TNRC6A: variants seen among roughly 807,000 people sequenced by gnomAD.
TNRC6A encodes trinucleotide repeat-containing gene 6A protein.
Under a neutral mutation model 221.2 loss-of-function variants are expected in TNRC6A, and 44 were observed. The ratio of observed to expected loss-of-function variants is 0.20; its 90% CI spans 0.16 to 0.26. The LOEUF (loss-of-function observed/expected upper bound fraction) is 0.26, where lower values mean the gene tolerates loss of function less well. Among genes scored for constraint, TNRC6A ranks in the 10% least tolerant of loss-of-function variants. The probability of loss-of-function intolerance (pLI) is 1.00; values close to 1 mark genes in which losing one functional copy is unlikely to be tolerated. For missense variants in TNRC6A, 2,199 were observed against 2,404.4 expected (o/e 0.91, Z 1.79); for synonymous variants, 847 against 838.5 (o/e 1.01, Z -0.18).
At chr16:24,706,894 CTTAAG>C in intron 2 of TNRC6A, among the ~76,000 whole-genome samples, 1 of 152,014 alleles carries the variant, frequency 6.6e-6, no homozygotes, top group South Asian at 2.1e-4. Context: ...ATTTGAAAAA[CTTAAG>C]TTAAAGCTGG....
intron 1 of TNRC6A, among the ~76,000 whole-genome samples, chr16:24,632,376 C>T (rs902979105): frequency 6.6e-6 from 1 of 152,154 alleles, no homozygotes; most frequent in Non-Finnish European, 1.5e-5. Context: ...CCACCGTCCA[C>T]CTAGTTCTTT....
At chr16:24,639,917 A>G (rs1203739868) in intron 1 of TNRC6A, among the ~76,000 whole-genome samples, 1 of 152,160 alleles carries the variant, frequency 6.6e-6, no homozygotes, top group African/African-American at 2.4e-5. Context: ...TCGGCTTCCC[A>G]AAGCTCTGGG....
chr16:24,632,775 G>A (rs971116989), intron 1 of TNRC6A, among the ~76,000 whole-genome samples: 12 of 152,092 alleles, frequency 7.9e-5, no homozygotes, highest in African/African-American at 2.4e-4. Context: ...TTGGGAGGCC[G>A]AGGCGGGCAG....
chr16:24,708,389 C>T (rs562767945), intron 2 of TNRC6A, among the ~76,000 whole-genome samples: 95 of 152,030 alleles, frequency 6.2e-4, no homozygotes, highest in African/African-American at 2.1e-3. Flanking sequence ...TACAGGCACC[C>T]GCCACCACGC....
chr16:24,786,336 T>G (rs1389755146), intron 5 of TNRC6A, among the ~76,000 whole-genome samples: 6 of 151,480 alleles, frequency 4.0e-5, no homozygotes, highest in Non-Finnish European at 7.4e-5. Context: ...TTTTGTTTTG[T>G]TTTTTTTGAG....
At chr16:24,767,679 GTTTATT>G (rs1007249929) in intron 4 of TNRC6A, among the ~76,000 whole-genome samples, 3 of 152,022 alleles carry the variant, frequency 2.0e-5, no homozygotes, top group African/African-American at 7.2e-5. Context: ...TTTAGCTGAA[GTTTATT>G]TTTATACTGT....
chr16:24,740,961 G>A lies in TNRC6A; in HGVS notation c.54-9765G>A, dbSNP rs113762397. Among the ~76,000 whole-genome samples, 15 of 152,268 alleles carry A rather than the reference G, an allele frequency of 9.9e-5. 1 individual carries two copies. The highest frequency in any genetic ancestry group is 3.1e-4 in the African/African-American group (13 of 41,560). ...CCTCAAGATTTGTCCATATTGTAGC[G>A]TGTGTCAGCCAATTGATTTTTGTAT... On this transcript the variant is annotated intron_variant, in intron 2 of 24. Coordinates refer to ENST00000395799, the MANE Select transcript of TNRC6A (RefSeq NM_014494.4).
intron 4 of TNRC6A, chr16:24,776,178 T>TA: frequency 3.6e-6 from 3 of 837,124 alleles, no homozygotes; most frequent in Non-Finnish European, 4.3e-6. Flanking sequence ...TGGGTTTACT[T>TA]ACACTAGCTT....
At position 24,777,314 on chromosome 16, in the gene TNRC6A, A is replaced by G. The variant is rs2057746994; in HGVS notation, c.545A>G (p.Gln182Arg). 6.2e-7 allele frequency: 1 copy of G among 1,613,842 alleles called. No individual in the cohort carries two copies. The highest frequency in any genetic ancestry group is 1.1e-5 in the South Asian group (1 of 91,084). The part of the protein sequence containing the change: ...QSESSALTNQ[Q>R]PQNNGEVQNS... ...GAAAGCAGTGCTTTAACAAATCAAC[A>G]GCCACAAAATAACGGAGAGGTGCAG... Residue 182 changes from glutamine to arginine, a missense_variant, in exon 5 of 25, where the codon CAG becomes CGG. Gln to Arg is a conservative substitution (Grantham distance 43). Coordinates refer to ENST00000395799, the MANE Select transcript of TNRC6A (RefSeq NM_014494.4).
In TNRC6A at chr16:24,777,262, G is replaced by A. The variant is rs1596682526; in HGVS notation, c.493G>A (p.Ala165Thr). 6.2e-7 allele frequency: 1 copy of A among 1,614,180 alleles called. No individual in the cohort carries two copies. The highest frequency in any genetic ancestry group is 1.3e-5 in the African/African-American group (1 of 75,036). ...TGTTATAGCAGCAAACCTTGGATCT[G>A]CTGTTAAGGTGTTAAACAGCCAGTC... ...FPVIAANLGS[A>T]VKVLNSQSES... The change falls in exon 5 of 25, where the codon GCT (alanine) becomes ACT (threonine). Residue 165 changes from alanine to threonine, a missense_variant. Physicochemically the swap from Ala to Thr is moderately conservative, Grantham distance 58. This residue lies in a region of TNRC6A where 1,405 missense variants were observed against 1,400.2 expected (regional missense o/e 1.00). Transcript: ENST00000395799.
At chr16:24,614,461 G>A (rs1236706437) in intron 1 of TNRC6A, among the ~76,000 whole-genome samples, 1 of 152,166 alleles carries the variant, frequency 6.6e-6, no homozygotes, top group African/African-American at 2.4e-5. Context: ...AAGCCAAGAG[G>A]AAATTTGAGG....
intron 4 of TNRC6A, among the ~76,000 whole-genome samples, chr16:24,773,125 T>C (rs1352074022): frequency 1.3e-5 from 2 of 152,226 alleles, no homozygotes; most frequent in Non-Finnish European, 2.9e-5. Context: ...ACTAATTCCG[T>C]CTTTCTATTT....
chr16:24,797,917 A>G lies in TNRC6A; in HGVS notation c.3645A>G (p.Arg1215=). 1 of 1,608,740 alleles carries G rather than the reference A, an allele frequency of 6.2e-7. No homozygotes were observed. The highest frequency in any genetic ancestry group is 8.5e-7 in the Non-Finnish European group (1 of 1,177,358). ...VKQFSNISFS[R]DSPEENVQSN... is the part of the protein sequence containing the mutation. ...CATGCTGCATTTTCTTTCTTCAGAG[A>G]GACTCACCAGAGGAAAATGTACAAA... The change falls in exon 11 of 25, where the codon AGA becomes AGG. Residue 1215 remains arginine (R), a splice_region_variant and synonymous_variant. Transcript: ENST00000395799.
chr16:24,802,437 T>G (rs2058348525), intron 11 of TNRC6A, among the ~76,000 whole-genome samples: 1 of 152,098 alleles, frequency 6.6e-6, no homozygotes, highest in South Asian at 2.1e-4. Flanking sequence ...TGGGCCCAGC[T>G]ACTCAGGAAG....
Position 24,825,660 on chromosome 16 carries a change from C to G in TNRC6A, c.*1853C>G, listed in dbSNP as rs943719294. The G allele has an allele frequency of 6.5e-6, 1 of 152,676 alleles. No homozygotes were observed. The highest frequency in any genetic ancestry group is 6.5e-5 in the Admixed American group (1 of 15,282). The allele number at this position is 152,676 out of a possible 1,614,324, so 9.5% of individuals were successfully genotyped here. A position where few individuals can be genotyped will look rare whatever the true frequency, so the allele number is the denominator to read the frequency against. The stretch of plus-strand genomic sequence containing the variant: ...AAACTGTAGCTTGCTCCTTCCCACC[C>G]TCTCTGAGCATCTTTGGGATCTTGT... On this transcript the variant is annotated 3_prime_UTR_variant, in exon 25 of 25. Coordinates refer to ENST00000395799, the MANE Select transcript of TNRC6A (RefSeq NM_014494.4).
chr16:24,653,308 C>T (rs1218210075), intron 2 of TNRC6A, among the ~76,000 whole-genome samples: 1 of 152,090 alleles, frequency 6.6e-6, no homozygotes, highest in African/African-American at 2.4e-5. Context: ...ACAGCAAGCC[C>T]TGTGGAAAAC....
upstream of TNRC6A, among the ~76,000 whole-genome samples, chr16:24,726,362 CA>C (rs58809989): frequency 0.015 from 2,008 of 134,556 alleles, 44 homozygotes; most frequent in African/African-American, 0.041. Flanking sequence ...CAAAAGATAC[CA>C]AAAAAAAAAA....
At chr16:24,766,674 CTTT>C (rs397972605) in intron 4 of TNRC6A, among the ~76,000 whole-genome samples, 6 of 121,404 alleles carry the variant, frequency 4.9e-5, no homozygotes, top group Admixed American at 8.7e-5. Context: ...TTCTTTTTAT[CTTT>C]TTTTTTTTTT....
At position 24,685,771 on chromosome 16, in the gene TNRC6A, G is replaced by A. The variant is rs112682475; in HGVS notation, n.402+44762G>A. On this transcript the variant is annotated intron_variant and non_coding_transcript_variant, in intron 2 of 2. Transcript: ENST00000566108. ...TCTCTGTGCCTCGGTTTGCTCATCA[G>A]TAAAATGGGTATGATAGTAATAACT... Among the ~76,000 whole-genome samples the A allele has an allele frequency of 3.8e-3, 586 of 152,294 alleles. 5 individuals carry two copies. The highest frequency in any genetic ancestry group is 0.013 in the African/African-American group (552 of 41,560).
Sources: allele counts gnomAD v4.1 joint callset (sites outside exome capture counted in the v4.1 genomes callset), GRCh38; gene constraint gnomAD v4.1.1; regional missense constraint gnomAD v4.1.1; transcripts MANE v1.5; gene names NCBI Gene and HGNC (gene_info 2026-07-23, HGNC 2026-07-21).